INTS8: variants seen among roughly 807,000 people sequenced by gnomAD.
The protein encoded by INTS8 is protein kaonashi-1.
INTS8 carries 47 observed loss-of-function variants against 138.9 expected under a neutral mutation model. The ratio of observed to expected loss-of-function variants is 0.34; its 90% CI spans 0.27 to 0.43. INTS8 has a LOEUF of 0.43. Ranked by LOEUF, INTS8 falls within the 20% of genes least tolerant of loss-of-function variation. INTS8 has a pLI of 1.00. For synonymous variants in INTS8, 392 were observed against 400.9 expected (o/e 0.98, Z 0.27); for missense variants, 996 against 1,173.0 (o/e 0.85, Z 2.20).
At chr8:94,876,385 G>C in intron 25 of INTS8, 61 bp from the exon 26 acceptor site, 2 of 1,406,222 alleles carry the variant, frequency 1.4e-6, no homozygotes, top group Non-Finnish European at 2.0e-6. Context: ...CTGAAAATGA[G>C]TTGAGATTCT....
Position 94,880,909 on chromosome 8 carries a change from A to C in INTS8, c.*675A>C, listed in dbSNP as rs1480866068. ...GCAACCTACATGTCAAGAAAGCCCC[A>C]GTTAGGAAGGAGCCACAGCATTTAT... On this transcript the variant is annotated 3_prime_UTR_variant, in exon 27 of 27. Coordinates refer to ENST00000523731, the MANE Select transcript of INTS8 (RefSeq NM_017864.4). 4 of 398,674 alleles carry C rather than the reference A, an allele frequency of 1.0e-5. No individual in the cohort carries two copies. The highest frequency in any genetic ancestry group is 1.8e-5 in the Non-Finnish European group (4 of 225,934). 24.7% of individuals were successfully genotyped at this position (398,674 alleles called of 1,614,324 possible). A position where few individuals can be genotyped will look rare whatever the true frequency, so the allele number is the denominator to read the frequency against.
chr8:94,875,891 T>G, intron 23 of INTS8, 183 bp from the exon 24 acceptor site: 1 of 541,916 alleles, frequency 1.8e-6, no homozygotes, highest in South Asian at 2.3e-5. Context: ...AGGTCACTGA[T>G]GAAGAGAATA....
At chr8:94,874,246 CG>C (rs1220912129) in intron 22 of INTS8, among the ~76,000 whole-genome samples, 5 of 65,070 alleles carry the variant, frequency 7.7e-5, no homozygotes, top group South Asian at 5.8e-4. Flanking sequence ...AAATTTTGTC[CG>C]TTTTTTTTTT....
At position 94,873,344 on chromosome 8, in the gene INTS8, T is replaced by C. The variant is rs1816466142; in HGVS notation, c.2534-30T>C. Reference sequence around the variant, plus strand: ...ATCCCTGTTTTTCAACTGTTACCTCTAATGCTTTATGTCTGTTTTTCTGTT... The same window carrying C: ...ATCCCTGTTTTTCAACTGTTACCTCCAATGCTTTATGTCTGTTTTTCTGTT... On this transcript the variant is annotated intron_variant, in intron 21 of 26. Coordinates refer to ENST00000523731, the MANE Select transcript of INTS8 (RefSeq NM_017864.4). 2.7e-6 allele frequency: 4 copies of C among 1,473,636 alleles called. No homozygotes were observed. In the African/African-American group the frequency reaches 4.2e-5, roughly 15 times the overall value. 91.3% of individuals were successfully genotyped at this position (1,473,636 alleles called of 1,614,324 possible).
chr8:94,864,536 C>G (rs948315785), intron 16 of INTS8, among the ~76,000 whole-genome samples: 9 of 151,974 alleles, frequency 5.9e-5, no homozygotes, highest in African/African-American at 2.2e-4. Context: ...GGTGAAACCC[C>G]GTCTCTACTA....
At chr8:94,860,530 G>T (rs758355443) in intron 16 of INTS8, among the ~76,000 whole-genome samples, 1 of 130,496 alleles carries the variant, frequency 7.7e-6, no homozygotes, top group Non-Finnish European at 1.5e-5. Flanking sequence ...CGTGAGCTGA[G>T]ATGGTGCCAT....
chr8:94,823,357 C>T lies in INTS8; in HGVS notation c.-75C>T, dbSNP rs1814350812. On this transcript the variant is annotated 5_prime_UTR_variant, in exon 1 of 27. Transcript: ENST00000523731. The stretch of plus-strand genomic sequence containing the variant: ...TCTCTCCCACCGGGTTCCGCATACC[C>T]CAGGCACCGGCCCGCATCCAAGTGT... 6.6e-7 allele frequency: 1 copy of T among 1,504,786 alleles called. No individual in the cohort carries two copies. The highest frequency in any genetic ancestry group is 8.8e-7 in the Non-Finnish European group (1 of 1,130,648). The allele number at this position is 1,504,786 out of a possible 1,614,324, so 93.2% of individuals were successfully genotyped here. A position where few individuals can be genotyped will look rare whatever the true frequency, so the allele number is the denominator to read the frequency against.
Position 94,824,897 on chromosome 8 carries a change from T to A in INTS8, c.135T>A (p.Pro45=). 2 of 1,601,204 alleles carry A rather than the reference T, an allele frequency of 1.2e-6. No individual in the cohort carries two copies. The highest frequency in any genetic ancestry group is 1.7e-6 in the Non-Finnish European group (2 of 1,172,022). The part of the protein sequence containing the change: ...EKHLRKPCPD[P]APVQLIVQFL... ...TTATTTTCTTTTAAACCCTAGATCC[T>A]GCACCAGTTCAACTTATAGTTCAGT... is the stretch of plus-strand genomic sequence containing the variant. Residue 45 remains proline (P), a synonymous_variant, in exon 2 of 27, where the codon CCT becomes CCA. Coordinates refer to ENST00000523731, the MANE Select transcript of INTS8 (RefSeq NM_017864.4).
intron 23 of INTS8, 161 bp from the exon 24 acceptor site, chr8:94,875,913 G>C: frequency 1.7e-6 from 1 of 591,390 alleles, no homozygotes; most frequent in Non-Finnish European, 3.1e-6. Context: ...TGGTCAGACA[G>C]ACACGTGTAT....
chr8:94,847,630 T>C (rs970514030), intron 10 of INTS8, among the ~76,000 whole-genome samples: 8 of 152,150 alleles, frequency 5.3e-5, no homozygotes, highest in Admixed American at 4.6e-4. Context: ...TCATCTTAAG[T>C]TTATTAGTAT....
In INTS8 at chr8:94,866,883, G is replaced by T. The variant is rs985557524; in HGVS notation, c.2296-257G>T. 2.8e-5 allele frequency: 11 copies of T among 389,490 alleles called. No individual in the cohort carries two copies. The Middle Eastern group carries it at 2.1e-3, about 73-fold the overall frequency. The allele number at this position is 389,490 out of a possible 1,614,324, so 24.1% of individuals were successfully genotyped here. On this transcript the variant is annotated intron_variant, in intron 18 of 26. Transcript: ENST00000523731. ...AAAAGTTACTTGAGAGTCATGTGAGGAGTTGAGCGTGGAGATAGCACCATA... is the reference window on the plus strand; with the variant it reads ...AAAAGTTACTTGAGAGTCATGTGAGTAGTTGAGCGTGGAGATAGCACCATA...
intron 20 of INTS8, among the ~76,000 whole-genome samples, chr8:94,870,178 A>G (rs947358709): frequency 1.6e-4 from 24 of 152,016 alleles, no homozygotes; most frequent in Non-Finnish European, 3.4e-4. Flanking sequence ...CAGCCTCCCA[A>G]GTAGCTGGGG....
intron 6 of INTS8, among the ~76,000 whole-genome samples, chr8:94,834,560 T>C (rs899629245): frequency 1.3e-5 from 2 of 151,880 alleles, no homozygotes; most frequent in Admixed American, 6.6e-5. Flanking sequence ...ACACAAAAAT[T>C]AGGCGTTGTG....
intron 12 of INTS8, among the ~76,000 whole-genome samples, chr8:94,850,741 ACAGATTTTCGTG>A: frequency 6.6e-6 from 1 of 152,188 alleles, no homozygotes; most frequent in East Asian, 1.9e-4. Flanking sequence ...CAAAAAGAGG[ACAGATTTTCGTG>A]CATGTCAGTC....
At chr8:94,831,488 T>C (rs553481355) in intron 5 of INTS8, among the ~76,000 whole-genome samples, 95 of 146,156 alleles carry the variant, frequency 6.5e-4, no homozygotes, top group African/African-American at 2.3e-3. Context: ...TTTTCTTTTT[T>C]TTTTTTTTTT....
In INTS8 at chr8:94,873,367, G is replaced by GT. The variant is rs1172584869; in HGVS notation, c.2534-4dup. On this transcript the variant is annotated splice_polypyrimidine_tract_variant and splice_region_variant and intron_variant, in intron 21 of 26. Transcript: ENST00000523731. ...TCTAATGCTTTATGTCTGTTTTTCT[G>GT]TTTCAGCAACGAATCAGTATTCAGC... 3 of 1,603,692 alleles carry GT rather than the reference G, an allele frequency of 1.9e-6. No individual in the cohort carries two copies. Among genetic ancestry groups the GT allele is most frequent in the Admixed American group, 3.3e-5 (2 of 59,962 alleles).
rs1266432717 is a variant in INTS8 at position 94,841,427 on chromosome 8, G to C, written c.1018-64G>C. The C allele has an allele frequency of 5.5e-6, 4 of 732,262 alleles. No individual in the cohort carries two copies. In the South Asian group the frequency reaches 5.5e-5, roughly 10 times the overall value. 45.4% of individuals were successfully genotyped at this position (732,262 alleles called of 1,614,324 possible). On this transcript the variant is annotated intron_variant, in intron 8 of 26. Coordinates refer to ENST00000523731, the MANE Select transcript of INTS8 (RefSeq NM_017864.4). Reference sequence around the variant, plus strand: ...TGTATTTTCCATTATAGAAAGACTTGTTTAAAGTAAAAAAACTTTACCATG... The same window carrying C: ...TGTATTTTCCATTATAGAAAGACTTCTTTAAAGTAAAAAAACTTTACCATG...
intron 7 of INTS8, among the ~76,000 whole-genome samples, chr8:94,837,465 G>A (rs1182251190): frequency 1.3e-5 from 2 of 151,982 alleles, no homozygotes; most frequent in Non-Finnish European, 2.9e-5. Flanking sequence ...AGACCCATTA[G>A]AAATACTCAT....
intron 10 of INTS8, among the ~76,000 whole-genome samples, chr8:94,843,682 A>G (rs1469430722): frequency 6.6e-6 from 1 of 152,124 alleles, no homozygotes; most frequent in African/African-American, 2.4e-5. Flanking sequence ...ATGGAGGGAC[A>G]TTTGTGTTGT....
Sources: allele counts gnomAD v4.1 joint callset (sites outside exome capture counted in the v4.1 genomes callset), GRCh38; gene constraint gnomAD v4.1.1; transcripts MANE v1.5; gene names NCBI Gene and HGNC (gene_info 2026-07-23, HGNC 2026-07-21).